Variants in APOOL observed in about 807,000 individuals in gnomAD.
The protein encoded by APOOL is apolipoprotein O like, also known as MICOS complex subunit MIC27.
A neutral mutation model predicts 23.1 loss-of-function variants in APOOL; 12 were observed. That is an observed-to-expected ratio of 0.52 (90% CI 0.33 to 0.84). The LOEUF is 0.84. APOOL is among the 40% of genes least tolerant of loss of function. The pLI is 0.02. For synonymous variants in APOOL, 77 were observed against 69.9 expected, an observed-to-expected ratio of 1.10 and a Z score of -0.51; for missense variants, 212 against 199.6, an observed-to-expected ratio of 1.06 and a Z score of -0.37.
chrX:85,021,970 C>T (rs1921681998), intron 1 of APOOL, among the ~76,000 whole-genome samples: 1 of 111,427 alleles, frequency 9.0e-6, no homozygotes, highest in Admixed American at 9.5e-5. Flanking sequence ...AATTATATGC[C>T]AACAAACTGG....
At chrX:85,022,645 GCT>G (rs1921707041) in intron 1 of APOOL, among the ~76,000 whole-genome samples, 1 of 14,140 alleles carries the variant, frequency 7.1e-5, no homozygotes, top group Non-Finnish European at 1.2e-4. Context: ...ATGGTGAAAA[GCT>G]AAAGCTAAAA....
At chrX:85,051,134 T>C (rs1386866311) in intron 2 of APOOL, among the ~76,000 whole-genome samples, 2 of 111,742 alleles carry the variant, frequency 1.8e-5, no homozygotes, top group Non-Finnish European at 3.8e-5. Flanking sequence ...AGACAGTAGT[T>C]TCTCTAAATA....
chrX:85,031,775 T>C (rs1442044965), intron 1 of APOOL, among the ~76,000 whole-genome samples: 1 of 112,026 alleles, frequency 8.9e-6, no homozygotes, highest in African/African-American at 3.2e-5. Context: ...AGGAAGGCGG[T>C]AAAGGTTGTT....
At chrX:85,017,501 G>A (rs951000299) in intron 1 of APOOL, among the ~76,000 whole-genome samples, 1 of 111,593 alleles carries the variant, frequency 9.0e-6, no homozygotes, top group African/African-American at 3.3e-5. Context: ...TCCTATGCTC[G>A]TATTTGCAGC....
At chrX:85,023,905 A>G (rs1921754391) in intron 1 of APOOL, among the ~76,000 whole-genome samples, 2 of 112,047 alleles carry the variant, frequency 1.8e-5, no homozygotes, top group African/African-American at 3.2e-5. Flanking sequence ...TAGATAATAT[A>G]TTGTAGCAAC....
intron 5 of APOOL, among the ~76,000 whole-genome samples, chrX:85,060,129 T>A (rs1347757073): frequency 0.023 from 2,564 of 109,286 alleles, 81 homozygotes; most frequent in African/African-American, 0.075. Context: ...ATTTATTAAA[T>A]AGGGAATCCT....
intron 6 of APOOL, among the ~76,000 whole-genome samples, chrX:85,070,952 T>A (rs1406213632): frequency 1.8e-5 from 2 of 111,882 alleles, no homozygotes; most frequent in Non-Finnish European, 3.8e-5. Context: ...AAAGATAATT[T>A]GGTACATATA....
intron 2 of APOOL, among the ~76,000 whole-genome samples, chrX:85,048,316 G>A (rs1922647323): frequency 9.0e-6 from 1 of 110,897 alleles, no homozygotes; most frequent in South Asian, 3.8e-4. Flanking sequence ...TTAATCTTAG[G>A]AGGATGTTGA....
chrX:85,082,274 T>C (rs1328864695), intron 8 of APOOL, among the ~76,000 whole-genome samples: 1 of 111,626 alleles, frequency 9.0e-6, no homozygotes, highest in Non-Finnish European at 1.9e-5. Context: ...GATGGGGTTT[T>C]GGTGTGGATG....
chrX:85,035,117 A>G (rs996132687), intron 1 of APOOL, among the ~76,000 whole-genome samples: 24 of 111,248 alleles, frequency 2.2e-4, no homozygotes, highest in African/African-American at 7.5e-4. Flanking sequence ...CCTCACCAGC[A>G]TCTGCTGTTT....
chrX:85,068,401 T>G, intron 6 of APOOL, among the ~76,000 whole-genome samples: 1 of 107,934 alleles, frequency 9.3e-6, no homozygotes, highest in Middle Eastern at 4.7e-3. Context: ...TTCTTCTTTT[T>G]TTTTTTTTTT....
intron 5 of APOOL, among the ~76,000 whole-genome samples, chrX:85,062,970 C>T (rs1291982262): frequency 1.8e-5 from 2 of 111,865 alleles, no homozygotes; most frequent in Admixed American, 9.5e-5. Context: ...GCCATTTTCA[C>T]GATATTGTTT....
intron 1 of APOOL, among the ~76,000 whole-genome samples, chrX:85,026,366 G>T (rs1921844807): frequency 8.8e-6 from 1 of 113,129 alleles, no homozygotes; most frequent in Non-Finnish European, 1.9e-5. Flanking sequence ...TGCTGCAAAA[G>T]TGTCTGAAAT....
chrX:85,030,650 C>A (rs763626745), intron 1 of APOOL, among the ~76,000 whole-genome samples: 2 of 111,708 alleles, frequency 1.8e-5, no homozygotes, highest in Non-Finnish European at 3.8e-5. Context: ...TGAAGTAACT[C>A]AGGAATGGAA....
At chrX:85,085,892 G>A (rs942573634) in intron 8 of APOOL, among the ~76,000 whole-genome samples, 1 of 112,022 alleles carries the variant, frequency 8.9e-6, no homozygotes, top group African/African-American at 3.2e-5. Flanking sequence ...GGGTTGTTAT[G>A]TTGTGGTCAG....
chrX:85,091,263 T>G lies in APOOL; in HGVS notation c.*3585T>G, dbSNP rs1021003885. 3 of 111,766 alleles carry G rather than the reference T, an allele frequency of 2.7e-5. No homozygotes were observed. The highest frequency in any genetic ancestry group is 9.8e-5 in the African/African-American group (3 of 30,753). The allele number at this position is 111,766 out of a possible 1,213,427, so 9.2% of individuals were successfully genotyped here. ...AAACTCAGTCTCAAAAAATAAATAA[T>G]AAAAAATAAAGGTATATAATATGTC... On this transcript the variant is annotated 3_prime_UTR_variant, in exon 9 of 9. Coordinates refer to ENST00000373173, the MANE Select transcript of APOOL (RefSeq NM_198450.6).
chrX:85,016,011 T>TGGGTGA (rs1921460087), intron 1 of APOOL, among the ~76,000 whole-genome samples: 1 of 111,106 alleles, frequency 9.0e-6, no homozygotes, highest in Non-Finnish European at 1.9e-5. Context: ...TTGTGGTGTG[T>TGGGTGA]GGGTGAGTTC....
chrX:85,066,670 G>A (rs1312805529), intron 5 of APOOL, among the ~76,000 whole-genome samples: 2 of 110,857 alleles, frequency 1.8e-5, no homozygotes, highest in East Asian at 5.7e-4. Context: ...TGATGATTTA[G>A]TTGAGTCATT....
chrX:85,055,661 A>G (rs1043511381), intron 4 of APOOL, among the ~76,000 whole-genome samples, 166 bp from the exon 5 acceptor site: 3 of 111,849 alleles, frequency 2.7e-5, no homozygotes, highest in Non-Finnish European at 5.6e-5. Context: ...AAATATATCT[A>G]GTTTTTTAGC....
Sources: allele counts gnomAD v4.1 joint callset (sites outside exome capture counted in the v4.1 genomes callset), GRCh38; gene constraint gnomAD v4.1.1; transcripts MANE v1.5; gene names NCBI Gene and HGNC (gene_info 2026-07-23, HGNC 2026-07-21).